The following GALNT13 variants were observed in gnomAD, a reference collection of about 807,000 sequenced individuals.
The protein encoded by GALNT13 is polypeptide N-acetylgalactosaminyltransferase 13.
A neutral mutation model predicts 64.2 loss-of-function variants in GALNT13; 28 were observed. The ratio of observed to expected loss-of-function variants is 0.44; its 90% CI spans 0.32 to 0.60. The LOEUF is 0.60. Among genes scored for constraint, GALNT13 ranks in the 20% least tolerant of loss-of-function variants. The pLI is 0.05. For missense variants in GALNT13, 577 were observed against 669.8 expected (o/e 0.86, Z 1.53); for synonymous variants, 214 against 224.6 (o/e 0.95, Z 0.42).
chr2:154,042,867 G>A (rs1415145809), intron 3 of GALNT13, among the ~76,000 whole-genome samples: 1 of 151,814 alleles, frequency 6.6e-6, no homozygotes, highest in African/African-American at 2.4e-5. Context: ...TTGCCCCGGG[G>A]AATACTTTGT....
At chr2:154,436,200 A>C in intron 11 of GALNT13, 1 of 149,348 alleles carries the variant, frequency 6.7e-6, no homozygotes, top group South Asian at 2.1e-4. Flanking sequence ...CAAAGGCCAA[A>C]AAAAATTTAG....
At chr2:154,342,470 G>A (rs1262791429) in intron 9 of GALNT13, among the ~76,000 whole-genome samples, 2 of 152,000 alleles carry the variant, frequency 1.3e-5, no homozygotes, top group Admixed American at 1.3e-4. Context: ...CGAGGCTGCT[G>A]TCTGCTTTTG....
At chr2:153,397,998 T>G in the GALNT13 span, among the ~76,000 whole-genome samples, 1 of 152,070 alleles carries the variant, frequency 6.6e-6, no homozygotes, top group South Asian at 2.1e-4. Context: ...TGTATACATG[T>G]GCCATGCTGG....
the GALNT13 span, among the ~76,000 whole-genome samples, chr2:153,202,126 AG>A: frequency 6.6e-6 from 1 of 151,532 alleles, no homozygotes; most frequent in African/African-American, 2.4e-5. Context: ...CTGGGACTAC[AG>A]GCGCCCGCCA....
chr2:153,656,013 G>GAT, the GALNT13 span, among the ~76,000 whole-genome samples: 2 of 152,012 alleles, frequency 1.3e-5, no homozygotes, highest in East Asian at 3.9e-4. Flanking sequence ...TTTATCATTT[G>GAT]AAAGCTTGCC....
At chr2:153,770,142 T>C in the GALNT13 span, among the ~76,000 whole-genome samples, 1 of 152,066 alleles carries the variant, frequency 6.6e-6, no homozygotes, top group African/African-American at 2.4e-5. Flanking sequence ...CTTTGTTTTT[T>C]TCCTATTTTT....
intron 4 of GALNT13, among the ~76,000 whole-genome samples, chr2:154,157,735 C>A (rs1684503476): frequency 6.6e-6 from 1 of 152,068 alleles, no homozygotes; most frequent in Non-Finnish European, 1.5e-5. Context: ...GACTTTTATC[C>A]CCACAATACA....
chr2:154,428,677 T>C (rs2059305), intron 11 of GALNT13, among the ~76,000 whole-genome samples: 9,781 of 152,276 alleles, frequency 0.064, 360 homozygotes, highest in Middle Eastern at 0.092. Flanking sequence ...TCCAACAGCA[T>C]GTGCCCACTT....
chr2:153,714,909 A>G, the GALNT13 span, among the ~76,000 whole-genome samples: 2 of 152,214 alleles, frequency 1.3e-5, no homozygotes, highest in Admixed American at 1.3e-4. Context: ...TACCCGTGTT[A>G]GGGAATACTG....
At chr2:153,146,469 C>T in the GALNT13 span, among the ~76,000 whole-genome samples, 4 of 151,828 alleles carry the variant, frequency 2.6e-5, no homozygotes, top group Non-Finnish European at 4.4e-5. Flanking sequence ...ACACTATCTC[C>T]CAAAATAAAG....
chr2:154,028,042 G>A (rs1469331828), intron 3 of GALNT13, among the ~76,000 whole-genome samples: 4 of 152,064 alleles, frequency 2.6e-5, no homozygotes, highest in African/African-American at 9.7e-5. Context: ...CACACAGTTA[G>A]AGCTGCGACT....
chr2:153,668,623 G>A, the GALNT13 span, among the ~76,000 whole-genome samples: 1 of 152,212 alleles, frequency 6.6e-6, no homozygotes, highest in South Asian at 2.1e-4. Flanking sequence ...GAAGGAAGCT[G>A]GGAACCAAGC....
chr2:153,861,255 G>A, the GALNT13 span, among the ~76,000 whole-genome samples: 4 of 152,142 alleles, frequency 2.6e-5, no homozygotes, highest in African/African-American at 7.2e-5. Context: ...TATATGTAGT[G>A]TATACTTATT....
chr2:153,634,501 A>T, the GALNT13 span, among the ~76,000 whole-genome samples: 4 of 146,076 alleles, frequency 2.7e-5, no homozygotes, highest in Non-Finnish European at 4.5e-5. Flanking sequence ...GAAGTGGTTC[A>T]TTATGATACT....
chr2:153,124,631 C>T, the GALNT13 span, among the ~76,000 whole-genome samples: 1 of 152,082 alleles, frequency 6.6e-6, no homozygotes, highest in Admixed American at 6.6e-5. Context: ...TCAGCCTCCT[C>T]AGTAGCTGGG....
At chr2:154,285,123 T>A (rs1335239314) in intron 8 of GALNT13, among the ~76,000 whole-genome samples, 6 of 152,186 alleles carry the variant, frequency 3.9e-5, no homozygotes, top group Non-Finnish European at 8.8e-5. Context: ...TGATACTAGC[T>A]CTTTATCAGA....
the GALNT13 span, among the ~76,000 whole-genome samples, chr2:153,298,266 CTG>C: frequency 6.6e-6 from 1 of 152,234 alleles, no homozygotes; most frequent in Admixed American, 6.5e-5. Flanking sequence ...TAGGGTGTAA[CTG>C]TGCAGAGAAG....
intron 8 of GALNT13, among the ~76,000 whole-genome samples, chr2:154,266,119 A>G (rs868167574): frequency 4.6e-5 from 7 of 152,194 alleles, no homozygotes; most frequent in African/African-American, 7.2e-5. Context: ...CAAACTATTT[A>G]TAGAAAACTC....
chr2:153,719,591 C>T, the GALNT13 span, among the ~76,000 whole-genome samples: 8 of 152,240 alleles, frequency 5.3e-5, no homozygotes, highest in Admixed American at 1.3e-4. Context: ...TGGGCGCAGG[C>T]CAGTGGGTGC....
Sources: gnomAD v4.1 joint callset for allele counts (sites outside exome capture counted in the v4.1 genomes callset) on GRCh38, gnomAD v4.1.1 for gene constraint, MANE v1.5 for transcripts, NCBI Gene and HGNC (gene_info 2026-07-23, HGNC 2026-07-21) for gene names.